The following CD302 variants were observed in gnomAD, a reference collection of about 807,000 sequenced individuals.
The protein encoded by CD302 is CD302 molecule.
Under a neutral mutation model 26.5 loss-of-function variants are expected in CD302, and 23 were observed. That is an observed-to-expected ratio of 0.87 (90% CI 0.62 to 1.23). CD302 has a LOEUF of 1.23. Among genes scored for constraint, CD302 ranks in the 50% most tolerant of loss-of-function variants. The pLI is 0.00. For synonymous variants in CD302, 90 were observed against 99.4 expected (o/e 0.91, Z 0.56); for missense variants, 290 against 275.5 (o/e 1.05, Z -0.37).
rs555202238 is a variant in CD302, at chr2:159,772,039, T to G, written c.511A>C (p.Ile171Leu). The change falls in exon 6 of 6, where the codon ATA (isoleucine) becomes CTA (leucine). Residue 171 changes from isoleucine (I) to leucine (L), a missense_variant. By Grantham distance (5) the Ile-to-Leu change is conservative (BLOSUM62 2). Coordinates refer to ENST00000259053, the MANE Select transcript of CD302 (RefSeq NM_014880.5). Reference protein sequence around the residue: ...RKYLSDNHILISALVIASTVI... With the variant: ...RKYLSDNHILLSALVIASTVI... ...GTGCTAGCAATCACCAATGCTGATA[T>G]TAAAATGTGGTTATCTGAAAAGGAA... is the stretch of plus-strand genomic sequence containing the variant. 4 of 1,613,898 alleles carry G rather than the reference T, an allele frequency of 2.5e-6. No individual in the cohort carries two copies. Among genetic ancestry groups the G allele is most frequent in the Non-Finnish European group, 1.7e-6 (2 of 1,179,870 alleles).
intron 1 of CD302, among the ~76,000 whole-genome samples, chr2:159,795,738 G>T (rs1215485594): frequency 2.6e-5 from 4 of 152,226 alleles, no homozygotes; most frequent in Non-Finnish European, 5.9e-5. Context: ...TGGATACACA[G>T]AGTGAATGGC....
At chr2:159,779,597 C>G (rs1708446054) in intron 4 of CD302, among the ~76,000 whole-genome samples, 1 of 151,780 alleles carries the variant, frequency 6.6e-6, no homozygotes, top group Non-Finnish European at 1.5e-5. Flanking sequence ...GCAAACCATC[C>G]TATTAATATA....
chr2:159,773,075 C>A (rs1217296910), intron 5 of CD302, among the ~76,000 whole-genome samples: 3 of 152,180 alleles, frequency 2.0e-5, no homozygotes, highest in Admixed American at 6.5e-5. Flanking sequence ...AAATGGGGTT[C>A]TTCCATAGTT....
At chr2:159,788,038 C>T (rs886485816) in intron 1 of CD302, among the ~76,000 whole-genome samples, 7 of 151,126 alleles carry the variant, frequency 4.6e-5, no homozygotes, top group Non-Finnish European at 7.4e-5. Flanking sequence ...ACCCAGGAGG[C>T]GGAGGTTGCA....
chr2:159,773,637 T>G (rs1471755504), intron 5 of CD302, among the ~76,000 whole-genome samples: 2 of 152,150 alleles, frequency 1.3e-5, no homozygotes, highest in Admixed American at 1.3e-4. Context: ...TTAGCCAAAG[T>G]TGCCTCCAGG....
In CD302 at chr2:159,779,902, C is replaced by A. The variant is rs191203212; in HGVS notation, c.469+103G>T. 23 of 1,388,510 alleles carry A rather than the reference C, an allele frequency of 1.7e-5. 1 individual carries two copies. The African/African-American group carries it at 2.8e-4, about 17-fold the overall frequency. 86.0% of individuals were successfully genotyped at this position (1,388,510 alleles called of 1,614,324 possible). Reference sequence around the variant, plus strand: ...GCAGGCGTGAGCCACTGTGCCTAGCCTTATTCTATTTATTGAGGCACACTT... The same window carrying A: ...GCAGGCGTGAGCCACTGTGCCTAGCATTATTCTATTTATTGAGGCACACTT... On this transcript the variant is annotated intron_variant, in intron 4 of 5. Transcript: ENST00000259053.
At chr2:159,787,924 G>C (rs185112637) in intron 1 of CD302, among the ~76,000 whole-genome samples, 18 of 152,232 alleles carry the variant, frequency 1.2e-4, no homozygotes, top group African/African-American at 4.1e-4. Flanking sequence ...GGCCAACATG[G>C]TGAAAACCTG....
At chr2:159,776,897 A>G (rs998076610) in intron 5 of CD302, among the ~76,000 whole-genome samples, 1 of 152,056 alleles carries the variant, frequency 6.6e-6, no homozygotes, top group Non-Finnish European at 1.5e-5. Flanking sequence ...AGCCCGGCCC[A>G]TATCCAAATT....
At chr2:159,776,081 G>A (rs1201586283) in intron 5 of CD302, among the ~76,000 whole-genome samples, 1 of 141,398 alleles carries the variant, frequency 7.1e-6, no homozygotes, top group African/African-American at 2.6e-5. Flanking sequence ...TCAAACTCCT[G>A]ACCTCAGGTG....
Position 159,797,811 on chromosome 2 carries a change from C to T in CD302, c.67+321G>A, listed in dbSNP as rs955041116. Among the ~76,000 whole-genome samples, 9 of 152,214 alleles carry T rather than the reference C, an allele frequency of 5.9e-5. 1 individual carries two copies. Among genetic ancestry groups the T allele is most frequent in the Admixed American group, 4.6e-4 (7 of 15,286 alleles). On this transcript the variant is annotated intron_variant, in intron 1 of 5. Coordinates refer to ENST00000259053, the MANE Select transcript of CD302 (RefSeq NM_014880.5). ...TGAAACGGCGCCCGTCGTGCGACTC[C>T]AAGTCCCTCAGTTCTCCGGCCAACT...
chr2:159,780,853 T>G, intron 3 of CD302, 29 bp downstream of exon 3: 1 of 1,595,660 alleles, frequency 6.3e-7, no homozygotes, highest in Non-Finnish European at 8.6e-7. Context: ...AACAACAAAG[T>G]CACGTCCCAC....
chr2:159,780,207 A>G, intron 3 of CD302, 29 bp from the exon 4 acceptor site: 2 of 1,608,794 alleles, frequency 1.2e-6, no homozygotes, highest in Non-Finnish European at 1.7e-6. Flanking sequence ...TTTCAACATT[A>G]TGACAGTTTT....
intron 1 of CD302, among the ~76,000 whole-genome samples, chr2:159,794,550 A>G (rs1708899826): frequency 6.7e-6 from 1 of 150,116 alleles, no homozygotes; most frequent in Non-Finnish European, 1.5e-5. Flanking sequence ...TTATTTATTT[A>G]TTCATTTATT....
chr2:159,781,287 G>C (rs1708498478), intron 2 of CD302: 1 of 214,166 alleles, frequency 4.7e-6, no homozygotes. Context: ...GGTGGCTCAT[G>C]CCTGTAATCC....
chr2:159,790,417 C>T (rs1708777852), intron 1 of CD302, among the ~76,000 whole-genome samples: 1 of 151,978 alleles, frequency 6.6e-6, no homozygotes, highest in South Asian at 2.1e-4. Context: ...ATAAAAAGCA[C>T]AGTTACAGGT....
chr2:159,783,486 A>G lies in CD302; in HGVS notation c.68-17T>C, dbSNP rs1708578092. On this transcript the variant is annotated splice_polypyrimidine_tract_variant and intron_variant, in intron 1 of 5. Coordinates refer to ENST00000259053, the MANE Select transcript of CD302 (RefSeq NM_014880.5). ...AAGGACAGTCTATGTAGAAAAAAGA[A>G]GAACACTGTTAAATAACTTGAGAAA... 6.4e-7 allele frequency: 1 copy of G among 1,559,266 alleles called. No homozygotes were observed. Among genetic ancestry groups the G allele is most frequent in the South Asian group, 1.2e-5 (1 of 84,014 alleles).
At chr2:159,784,823 T>G (rs889775352) in intron 1 of CD302, among the ~76,000 whole-genome samples, 1 of 152,142 alleles carries the variant, frequency 6.6e-6, no homozygotes, top group Non-Finnish European at 1.5e-5. Context: ...GACCTCAGCT[T>G]CTTATATAGC....
chr2:159,798,064 A>C, intron 1 of CD302, 68 bp downstream of exon 1: 1 of 1,413,986 alleles, frequency 7.1e-7, no homozygotes, highest in African/African-American at 1.5e-5. Context: ...GGGGACGAAG[A>C]GCGTGCGTTG....
chr2:159,793,060 A>G (rs1476881239), intron 1 of CD302, among the ~76,000 whole-genome samples: 2 of 152,234 alleles, frequency 1.3e-5, no homozygotes, highest in Non-Finnish European at 2.9e-5. Flanking sequence ...AGTCGTCTTC[A>G]ACGCTAAGTA....
Sources: allele counts gnomAD v4.1 joint callset (sites outside exome capture counted in the v4.1 genomes callset), GRCh38; gene constraint gnomAD v4.1.1; transcripts MANE v1.5; gene names NCBI Gene and HGNC (gene_info 2026-07-23, HGNC 2026-07-21).